Variants in MDN1 observed in about 807,000 individuals in gnomAD.
The protein encoded by MDN1 is midasin.
In MDN1, 266 loss-of-function variants were observed where a neutral mutation model predicts 669.2. That is an observed-to-expected ratio of 0.40 (90% CI 0.36 to 0.44). The LOEUF (loss-of-function observed/expected upper bound fraction) is 0.44, where lower values mean the gene tolerates loss of function less well. Ranked by LOEUF, MDN1 falls within the 20% of genes least tolerant of loss-of-function variation. The pLI is 1.00. For missense variants in MDN1, 5,940 were observed against 6,754.0 expected, an observed-to-expected ratio of 0.88 and a Z score of 4.22; for synonymous variants, 2,385 against 2,457.1, an observed-to-expected ratio of 0.97 and a Z score of 0.87.
chr6:89,748,102 G>A lies in MDN1; in HGVS notation c.3763-632C>T, dbSNP rs377243645. Among the ~76,000 whole-genome samples the A allele has an allele frequency of 7.4e-4, 112 of 151,840 alleles. 3 individuals are homozygous for A. Among genetic ancestry groups the A allele is most frequent in the African/African-American group, 2.4e-3 (101 of 41,378 alleles). ...AGCACTTTGGGAGGCCAAGGCGGGCGGATCACAAGGTCAGGAGATCGAGAC... is the reference window on the plus strand; with the variant it reads ...AGCACTTTGGGAGGCCAAGGCGGGCAGATCACAAGGTCAGGAGATCGAGAC... On this transcript the variant is annotated intron_variant, in intron 26 of 101. Coordinates refer to ENST00000369393, the MANE Select transcript of MDN1 (RefSeq NM_014611.3).
At chr6:89,686,505 C>A (rs1314896638) in intron 69 of MDN1, among the ~76,000 whole-genome samples, 1 of 152,088 alleles carries the variant, frequency 6.6e-6, no homozygotes, top group Admixed American at 6.5e-5. Flanking sequence ...GCACTCACAG[C>A]AAATTATGAA....
intron 27 of MDN1, among the ~76,000 whole-genome samples, chr6:89,746,875 A>T (rs1816665727): frequency 6.6e-6 from 1 of 152,146 alleles, no homozygotes; most frequent in African/African-American, 2.4e-5. Flanking sequence ...ACAGTAACAA[A>T]TTTTTCCCAT....
rs998933607 is a variant in MDN1 at position 89,642,781 on chromosome 6, C to A, written c.*1224G>T. 2.6e-5 allele frequency: 4 copies of A among 152,214 alleles called. No homozygotes were observed. The highest frequency in any genetic ancestry group is 7.2e-5 in the African/African-American group (3 of 41,454). The allele number at this position is 152,214 out of a possible 1,614,324, so 9.4% of individuals were successfully genotyped here. On this transcript the variant is annotated 3_prime_UTR_variant, in exon 102 of 102. Coordinates refer to ENST00000369393, the MANE Select transcript of MDN1 (RefSeq NM_014611.3). ...CATTAAGAAGAGTCACAAATTACAT[C>A]AACAACAGTGGTATATGTTTTAATA...
Position 89,730,884 on chromosome 6 carries a change from C to T in MDN1, c.4982G>A (p.Arg1661Gln), listed in dbSNP as rs552166357. 9 of 1,613,962 alleles carry T rather than the reference C, an allele frequency of 5.6e-6. No homozygotes were observed. Among genetic ancestry groups the T allele is most frequent in the African/African-American group, 2.7e-5 (2 of 75,008 alleles). ...SSGFGTALLA[R>Q]KECLKFLIKR... ...GATTAGAAATTTCAGACATTCTTTT[C>T]GTGCCAAAAGGGCTGTACCAAACCC... The change falls in exon 35 of 102, where the codon CGA (arginine) becomes CAA (glutamine). Residue 1661 changes from arginine (R) to glutamine (Q), a missense_variant. Arg to Gln is a conservative substitution (Grantham distance 43). Around this residue, in one of 5 missense-constraint regions of MDN1, gnomAD observed 2,292 missense variants for 2,638.3 expected, o/e 0.87. Transcript: ENST00000369393.
In MDN1 at chr6:89,658,881, T is replaced by G. The variant is rs1298568827; in HGVS notation, c.14750A>C (p.Glu4917Ala). The G allele has an allele frequency of 3.7e-6, 6 of 1,612,822 alleles. No individual in the cohort carries two copies. Among genetic ancestry groups the G allele is most frequent in the Non-Finnish European group, 3.4e-6 (4 of 1,179,696 alleles). Residue 4917 changes from glutamate (E) to alanine (A), a missense_variant, in exon 89 of 102, where the codon GAA (glutamate) becomes GCA (alanine). Around this residue, in one of 5 missense-constraint regions of MDN1, gnomAD observed 2,280 missense variants for 2,576.3 expected, o/e 0.88. Transcript: ENST00000369393. ...NPLEIKEKPE[E>A]AGHEAEERGE... ...TCTTTCCTCAGCTTCATGACCTGCT[T>G]CTTCTGGTTTTTCTTTTATCTCCAA...
At chr6:89,724,725 C>A (rs1815094939) in intron 38 of MDN1, among the ~76,000 whole-genome samples, 2 of 152,216 alleles carry the variant, frequency 1.3e-5, no homozygotes, top group African/African-American at 4.8e-5. Context: ...TACACATACA[C>A]AGGTACCCCT....
rs544699705 is a variant in MDN1 at position 89,689,931 on chromosome 6, G to A, written c.10962C>T (p.Ser3654=). Residue 3654 remains serine (S), a synonymous_variant, in exon 65 of 102, where the codon AGC becomes AGT. Coordinates refer to ENST00000369393, the MANE Select transcript of MDN1 (RefSeq NM_014611.3). ...LPPHEAKHYL[S]LFLSCYQTGA... ...CAGTCTGATAGCAAGACAGAAACAG[G>A]CTGAGGTAATGCTTTGCTTCATGTG... 46 of 1,614,230 alleles carry A rather than the reference G, an allele frequency of 2.8e-5. No individual in the cohort carries two copies. The South Asian group carries it at 4.7e-4, about 17-fold the overall frequency.
At chr6:89,719,248 T>C (rs745885859) in intron 40 of MDN1, 23 bp from the exon 41 acceptor site, 36 of 1,592,480 alleles carry the variant, frequency 2.3e-5, no homozygotes, top group Non-Finnish European at 2.8e-5. Flanking sequence ...GATAATGCAA[T>C]GAAAACACAA....
Position 89,668,053 on chromosome 6 carries a change from G to A in MDN1, c.14055C>T (p.Gly4685=). The change falls in exon 84 of 102, where the codon GGC becomes GGT. Residue 4685 remains glycine (G), a synonymous_variant. Transcript: ENST00000369393. ...CGATCTGGTCACTCACATCCTTCAT[G>A]CCCTCGCCTTCTCCAATTCCACCTC... is the stretch of plus-strand genomic sequence containing the variant. The part of the protein sequence containing the change: ...YEGGGIGEGE[G]MKDVSDQIGN... The A allele has an allele frequency of 1.9e-6, 3 of 1,614,060 alleles. No homozygotes were observed. The highest frequency in any genetic ancestry group is 8.5e-7 in the Non-Finnish European group (1 of 1,179,996).
intron 15 of MDN1, among the ~76,000 whole-genome samples, chr6:89,765,100 C>G (rs1289278662): frequency 2.0e-5 from 3 of 151,646 alleles, no homozygotes; most frequent in Non-Finnish European, 4.4e-5. Flanking sequence ...ACTAAAAATA[C>G]AAAAAAAATT....
intron 1 of MDN1, 143 bp from the exon 2 acceptor site, chr6:89,803,697 C>T (rs1767814052): frequency 7.8e-6 from 5 of 642,974 alleles, no homozygotes; most frequent in Admixed American, 2.9e-5. Flanking sequence ...TTCTCCTGCC[C>T]GAGCCGCCCA....
At chr6:89,739,881 GTTAAAC>G (rs1816192186) in intron 32 of MDN1, among the ~76,000 whole-genome samples, 1 of 152,168 alleles carries the variant, frequency 6.6e-6, no homozygotes, top group Admixed American at 6.5e-5. Flanking sequence ...AAAAACAGAG[GTTAAAC>G]TTAAATTTCA....
intron 73 of MDN1, among the ~76,000 whole-genome samples, chr6:89,681,666 A>G (rs1811622136): frequency 6.6e-6 from 1 of 152,188 alleles, no homozygotes; most frequent in Admixed American, 6.5e-5. Context: ...TAGCCATATC[A>G]TATCTCTGCA....
chr6:89,727,480 C>T lies in MDN1; in HGVS notation c.5472+353G>A, dbSNP rs191001383. Among the ~76,000 whole-genome samples the T allele has an allele frequency of 1.1e-4, 17 of 152,206 alleles. No individual in the cohort carries two copies. The Middle Eastern group carries it at 0.01, about 91-fold the overall frequency. ...TTTGTATGTCTTTCCTTAGTCTCTCCGGTGCACTAATAAAACATGAAGCGG... is the reference window on the plus strand; with the variant it reads ...TTTGTATGTCTTTCCTTAGTCTCTCTGGTGCACTAATAAAACATGAAGCGG... On this transcript the variant is annotated intron_variant, in intron 37 of 101. Transcript: ENST00000369393.
chr6:89,699,883 G>C (rs1360639056), intron 57 of MDN1, among the ~76,000 whole-genome samples, 156 bp from the exon 58 acceptor site: 1 of 151,464 alleles, frequency 6.6e-6, no homozygotes, highest in Non-Finnish European at 1.5e-5. Flanking sequence ...TTTTAAAGTA[G>C]AGTCAAAACT....
intron 7 of MDN1, 96 bp from the exon 8 acceptor site, chr6:89,788,053 C>A: frequency 9.3e-7 from 1 of 1,079,052 alleles, no homozygotes; most frequent in Non-Finnish European, 1.3e-6. Context: ...ACAGACACAC[C>A]CTTAAAGGAA....
intron 1 of MDN1, among the ~76,000 whole-genome samples, chr6:89,804,569 A>C (rs1328143447): frequency 6.6e-6 from 1 of 152,208 alleles, no homozygotes; most frequent in Non-Finnish European, 1.5e-5. Flanking sequence ...TTCTGCAGTT[A>C]GTAGACAAAA....
In MDN1 at chr6:89,743,620, A is replaced by G. The variant is rs1368318853; in HGVS notation, c.4273T>C (p.Phe1425Leu). Residue 1425 changes from phenylalanine (F) to leucine (L), a missense_variant, in exon 30 of 102, where the codon TTC (phenylalanine) becomes CTC (leucine). By Grantham distance (22) the Phe-to-Leu change is conservative. Coordinates refer to ENST00000369393, the MANE Select transcript of MDN1 (RefSeq NM_014611.3). Reference protein sequence around the residue: ...SCHLHMETSDFLGGLRPVRQK... With the variant: ...SCHLHMETSDLLGGLRPVRQK... The stretch of plus-strand genomic sequence containing the variant: ...CTCACTGGCCGCAGGCCACCCAGGA[A>G]GTCTGATGTCTCCATGTGTAAGTGG... The G allele has an allele frequency of 1.9e-6, 3 of 1,614,210 alleles. No individual in the cohort carries two copies. The highest frequency in any genetic ancestry group is 2.5e-6 in the Non-Finnish European group (3 of 1,180,014).
At chr6:89,792,627 C>G (rs1361354843) in intron 5 of MDN1, among the ~76,000 whole-genome samples, 1 of 151,632 alleles carries the variant, frequency 6.6e-6, no homozygotes, top group African/African-American at 2.4e-5. Context: ...TAATCACTGA[C>G]TACACTTATG....
Sources: allele counts gnomAD v4.1 joint callset (sites outside exome capture counted in the v4.1 genomes callset), GRCh38; gene constraint gnomAD v4.1.1; regional missense constraint gnomAD v4.1.1; transcripts MANE v1.5; gene names NCBI Gene and HGNC (gene_info 2026-07-23, HGNC 2026-07-21).